The following CPEB2 variants were observed in gnomAD, a reference collection of about 807,000 sequenced individuals.
The protein encoded by CPEB2 is cytoplasmic polyadenylation element-binding protein 2.
A neutral mutation model predicts 93.6 loss-of-function variants in CPEB2; 56 were observed. The ratio of observed to expected loss-of-function variants is 0.60; its 90% CI spans 0.48 to 0.75. The LOEUF is 0.75. CPEB2 is among the 30% of genes least tolerant of loss of function. CPEB2 has a pLI of 0.00. For synonymous variants in CPEB2, 764 were observed against 586.3 expected (o/e 1.30, Z -4.38); for missense variants, 1,579 against 1,395.1 (o/e 1.13, Z -2.10).
At chr4:15,059,163 G>T (rs1728972657) in intron 9 of CPEB2, 24 bp from the exon 10 acceptor site, 2 of 1,394,772 alleles carry the variant, frequency 1.4e-6, no homozygotes, top group South Asian at 2.4e-5. Context: ...AAGGGAGTAA[G>T]ACCCAATGTA....
chr4:15,005,107 C>T (rs895624082), intron 1 of CPEB2: 1 of 152,244 alleles, frequency 6.6e-6, no homozygotes, highest in Non-Finnish European at 1.5e-5. Context: ...GCCGACCGCC[C>T]TCCTCGCAGG....
rs2108936637 is a variant in CPEB2 at position 15,004,008 on chromosome 4, A to C, written c.1335A>C (p.Ser445=). The C allele has an allele frequency of 1.3e-6, 2 of 1,549,026 alleles. No individual in the cohort carries two copies. The highest frequency in any genetic ancestry group is 2.9e-5 in the African/African-American group (2 of 69,858). ...LSAMPPPSPD[S]ENGFYPGLPS... is the part of the protein sequence containing the mutation. ...CCATGCCGCCGCCCAGCCCCGACTCAGAGAACGGCTTCTACCCCGGGCTGC... is the reference window on the plus strand; with the variant it reads ...CCATGCCGCCGCCCAGCCCCGACTCCGAGAACGGCTTCTACCCCGGGCTGC... The change falls in exon 1 of 12, where the codon TCA becomes TCC. Residue 445 remains serine, a synonymous_variant. Coordinates refer to ENST00000538197, the MANE Select transcript of CPEB2 (RefSeq NM_001177382.2).
chr4:15,003,838 T>TCGCCGCCACCCCAGCCCCAGCAGC lies in CPEB2; in HGVS notation c.1173_1196dup (p.Pro392_Pro399dup). 1 of 880,632 alleles carries TCGCCGCCACCCCAGCCCCAGCAGC rather than the reference T, an allele frequency of 1.1e-6. No homozygotes were observed. Among genetic ancestry groups the TCGCCGCCACCCCAGCCCCAGCAGC allele is most frequent in the Non-Finnish European group, 1.5e-6 (1 of 669,994 alleles). 54.6% of individuals were successfully genotyped at this position (880,632 alleles called of 1,614,324 possible). On this transcript the variant is annotated inframe_insertion, in exon 1 of 12. Coordinates refer to ENST00000538197, the MANE Select transcript of CPEB2 (RefSeq NM_001177382.2). The stretch of plus-strand genomic sequence containing the variant: ...CACCCCCTGGTCGGTGCAGACCGCG[T>TCGCCGCCACCCCAGCCCCAGCAGC]CGCCGCCACCCCAGCCCCAGCAGCC...
chr4:15,050,420 A>G (rs1014208423), intron 6 of CPEB2, among the ~76,000 whole-genome samples: 1 of 152,154 alleles, frequency 6.6e-6, no homozygotes, highest in Non-Finnish European at 1.5e-5. Context: ...GATTATATGC[A>G]TTGTCTCCTA....
In CPEB2 at chr4:15,054,134, T is replaced by C; in HGVS notation, c.2378T>C (p.Ile793Thr). Reference protein sequence around the residue: ...GLPPDIDEDEITASFRRFGPL... With the variant: ...GLPPDIDEDETTASFRRFGPL... ...ATTATTGTACTTTCTTAAGATGAAA[T>C]AACTGCTAGCTTCAGAAGATTTGGG... The change falls in exon 8 of 12, where the codon ATA becomes ACA. Residue 793 changes from isoleucine (I) to threonine (T), a missense_variant. Ile to Thr is a moderately conservative substitution (Grantham distance 89). Transcript: ENST00000538197. 6.2e-7 allele frequency: 1 copy of C among 1,606,450 alleles called. No individual in the cohort carries two copies. Among genetic ancestry groups the C allele is most frequent in the South Asian group, 1.1e-5 (1 of 89,796 alleles).
At chr4:15,056,500 T>G (rs1206019864) in intron 8 of CPEB2, among the ~76,000 whole-genome samples, 1 of 152,212 alleles carries the variant, frequency 6.6e-6, no homozygotes, top group Non-Finnish European at 1.5e-5. Flanking sequence ...AGTATTTAGT[T>G]TCTCTAATCG....
chr4:15,011,092 ATTTCT>A (rs1434269915), intron 3 of CPEB2, among the ~76,000 whole-genome samples: 5 of 147,198 alleles, frequency 3.4e-5, no homozygotes, highest in African/African-American at 1.0e-4. Flanking sequence ...ATCTCTATGA[ATTTCT>A]TTTCTTTTTT....
intron 3 of CPEB2, among the ~76,000 whole-genome samples, chr4:15,015,540 C>A (rs1724030206): frequency 6.6e-6 from 1 of 151,986 alleles, no homozygotes; most frequent in South Asian, 2.1e-4. Context: ...AGGCTACAAC[C>A]CTAATTTAAA....
chr4:15,030,308 G>A lies in CPEB2; in HGVS notation c.2126-2853G>A, dbSNP rs189936739. Among the ~76,000 whole-genome samples the A allele has an allele frequency of 7.9e-5, 12 of 152,168 alleles. No individual in the cohort carries two copies. In the East Asian group the frequency reaches 2.3e-3, roughly 29 times the overall value. ...AAGTAATTATTAAGATAGCGATTAA[G>A]AGTATGGAGCCAAACTGCTTAGGTT... On this transcript the variant is annotated intron_variant, in intron 4 of 11. Coordinates refer to ENST00000538197, the MANE Select transcript of CPEB2 (RefSeq NM_001177382.2).
rs1175006195 is a variant in CPEB2, at chr4:15,008,415, C to T, written c.2022C>T (p.Ser674=). 1 of 1,612,228 alleles carries T rather than the reference C, an allele frequency of 6.2e-7. No individual in the cohort carries two copies. The highest frequency in any genetic ancestry group is 8.5e-7 in the Non-Finnish European group (1 of 1,178,572). ...GTTGGTGCACTGCAGCCGGAACATC[C>T]AGAATAGACCAGGTAGGCTGCACAG... The part of the protein sequence containing the change: ...QDSWCTAAGT[S]RIDQDRSRMY... The change falls in exon 3 of 12, where the codon TCC becomes TCT. Residue 674 remains serine (S), a synonymous_variant. Transcript: ENST00000538197.
intron 3 of CPEB2, among the ~76,000 whole-genome samples, chr4:15,014,085 T>C (rs1476109975): frequency 6.6e-6 from 1 of 152,088 alleles, no homozygotes; most frequent in Non-Finnish European, 1.5e-5. Flanking sequence ...GCAATAATTT[T>C]ACCATGCTAT....
Position 15,003,842 on chromosome 4 carries a change from C to T in CPEB2, c.1169C>T (p.Pro390Leu). The part of the protein sequence containing the change: ...GTPWSVQTAS[P>L]PPQPQQPPPT... The stretch of plus-strand genomic sequence containing the variant: ...CCCTGGTCGGTGCAGACCGCGTCGC[C>T]GCCACCCCAGCCCCAGCAGCCGCCG... Residue 390 changes from proline to leucine, a missense_variant, in exon 1 of 12, where the codon CCG becomes CTG. Around this residue, in one of 2 missense-constraint regions of CPEB2, gnomAD observed 1,411 missense variants for 1,056.0 expected, o/e 1.34. Transcript: ENST00000538197. The T allele has an allele frequency of 1.1e-6, 1 of 904,752 alleles. No individual in the cohort carries two copies. Among genetic ancestry groups the T allele is most frequent in the South Asian group, 3.0e-5 (1 of 32,854 alleles). 56.0% of individuals were successfully genotyped at this position (904,752 alleles called of 1,614,324 possible).
In CPEB2 at chr4:15,004,229, A is replaced by G. The variant is rs748738283; in HGVS notation, c.1556A>G (p.Gln519Arg). 965 of 1,411,952 alleles carry G rather than the reference A, an allele frequency of 6.8e-4. 1 individual carries two copies. Among genetic ancestry groups the G allele is most frequent in the Non-Finnish European group, 8.4e-4 (904 of 1,077,638 alleles). 87.5% of individuals were successfully genotyped at this position (1,411,952 alleles called of 1,614,324 possible). A position where few individuals can be genotyped will look rare whatever the true frequency, so the allele number is the denominator to read the frequency against. ...CAGCCCCCGCCGCCCGCGGCGCCGC[A>G]GCAGCCGCAGAGCCGGAGGTCGCCC... Reference protein sequence around the residue: ...QQQPPPPAAPQQPQSRRSPVS... With the variant: ...QQQPPPPAAPRQPQSRRSPVS... The change falls in exon 1 of 12, where the codon CAG becomes CGG. Residue 519 changes from glutamine to arginine, a missense_variant. Gln to Arg is a conservative substitution (Grantham distance 43). This residue lies in a region of CPEB2 where 1,411 missense variants were observed against 1,056.0 expected (regional missense o/e 1.34). Transcript: ENST00000538197.
chr4:15,064,167 T>A (rs780577133), intron 11 of CPEB2, among the ~76,000 whole-genome samples: 8 of 152,136 alleles, frequency 5.3e-5, no homozygotes, highest in Non-Finnish European at 1.2e-4. Flanking sequence ...TGGAAAGCAG[T>A]CACCACAGAT....
chr4:15,007,193 CTTTT>C, intron 1 of CPEB2, 108 bp from the exon 2 acceptor site: 1 of 846,678 alleles, frequency 1.2e-6, no homozygotes, highest in African/African-American at 1.7e-5. Context: ...AAGATGTATT[CTTTT>C]GCCTTTATAT....
intron 11 of CPEB2, among the ~76,000 whole-genome samples, chr4:15,065,150 T>TTTTC (rs1292260117): frequency 2.0e-5 from 3 of 152,158 alleles, no homozygotes; most frequent in Admixed American, 2.0e-4. Context: ...AGTTTGTTGT[T>TTTTC]GTTCTTACAA....
chr4:15,037,947 C>T (rs75365075), intron 5 of CPEB2, among the ~76,000 whole-genome samples: 8 of 152,152 alleles, frequency 5.3e-5, no homozygotes, highest in Non-Finnish European at 8.8e-5. Flanking sequence ...GGAACATACT[C>T]CAGAAATTCA....
rs1301990826 is a variant in CPEB2, at chr4:15,002,518, G to A, written c.-156G>A. Among the ~76,000 whole-genome samples the A allele has an allele frequency of 1.3e-5, 2 of 151,478 alleles. No individual in the cohort carries two copies. The highest frequency in any genetic ancestry group is 3.0e-5 in the Non-Finnish European group (2 of 67,768). ...GCGGCGGCGATCGCCGCGAGGGGTGGTGGGGCCGAAGTCGGTGCCCCCTGG... is the reference window on the plus strand; with the variant it reads ...GCGGCGGCGATCGCCGCGAGGGGTGATGGGGCCGAAGTCGGTGCCCCCTGG... On this transcript the variant is annotated 5_prime_UTR_variant, in exon 1 of 12. In the 5' UTR this introduces an upstream ATG that the reference lacks. Transcript: ENST00000538197.
rs745613675 is a variant in CPEB2, at chr4:15,059,216, T to C, written c.2610T>C (p.Asp870=). The C allele has an allele frequency of 1.2e-5, 19 of 1,611,814 alleles. No individual in the cohort carries two copies. The Middle Eastern group carries it at 6.6e-4, about 56-fold the overall frequency. ...AAATACGTCCTTGGAATTTAAGTGA[T>C]AGTGATTTTGTAATGGATGGTTCTC... ...PVQIRPWNLS[D]SDFVMDGSQP... is the part of the protein sequence containing the mutation. The change falls in exon 10 of 12, where the codon GAT becomes GAC. Residue 870 remains aspartate, a synonymous_variant. Coordinates refer to ENST00000538197, the MANE Select transcript of CPEB2 (RefSeq NM_001177382.2).
Sources: allele counts gnomAD v4.1 joint callset (sites outside exome capture counted in the v4.1 genomes callset), GRCh38; gene constraint gnomAD v4.1.1; regional missense constraint gnomAD v4.1.1; transcripts MANE v1.5; gene names NCBI Gene and HGNC (gene_info 2026-07-23, HGNC 2026-07-21).